SBF1: variants seen among roughly 807,000 people sequenced by gnomAD.
SBF1 encodes SET binding factor 1, also known as myotubularin-related protein 5.
SBF1 carries 65 observed loss-of-function variants against 215.8 expected under a neutral mutation model. That is an observed-to-expected ratio of 0.30 (90% confidence interval 0.25 to 0.37). The LOEUF (loss-of-function observed/expected upper bound fraction) is 0.37. Ranked by LOEUF, SBF1 falls within the 10% of genes least tolerant of loss-of-function variation. The probability of loss-of-function intolerance (pLI) is 1.00; values close to 1 mark genes in which losing one functional copy is unlikely to be tolerated. For synonymous variants in SBF1, 1,410 were observed against 1,122.8 expected, an observed-to-expected ratio of 1.26 and a Z score of -5.11; for missense variants, 2,634 against 2,667.8, an observed-to-expected ratio of 0.99 and a Z score of 0.28.
Position 50,465,744 on chromosome 22 carries a change from G to A in SBF1, c.1089+19C>T, listed in dbSNP as rs149841428. Reference sequence around the variant, plus strand: ...CTAAGTGCCTGGGGTCCCCATGCAGGAGCAGCAACGACCCCCACCTGCATC... The same window carrying A: ...CTAAGTGCCTGGGGTCCCCATGCAGAAGCAGCAACGACCCCCACCTGCATC... On this transcript the variant is annotated intron_variant, in intron 10 of 40. Transcript: ENST00000380817. The A allele has an allele frequency of 4.5e-4, 712 of 1,582,860 alleles. 1 individual carries two copies. The African/African-American group carries it at 5.0e-3, about 11-fold the overall frequency.
chr22:50,468,162 A>G (rs928025277), intron 2 of SBF1, among the ~76,000 whole-genome samples: 3 of 152,180 alleles, frequency 2.0e-5, no homozygotes, highest in Admixed American at 6.5e-5. Flanking sequence ...AGTCCCCACC[A>G]TCATGAGTGA....
At chr22:50,447,491 C>CGG in intron 39 of SBF1, 31 bp downstream of exon 39, 1 of 1,609,528 alleles carries the variant, frequency 6.2e-7, no homozygotes, top group Non-Finnish European at 8.5e-7. Context: ...CCCCCTCCCC[C>CGG]GTGAGTCCCC....
rs766159965 is a variant in SBF1, at chr22:50,459,612, G to C, written c.3546C>G (p.Arg1182=). The C allele has an allele frequency of 1.2e-6, 2 of 1,609,700 alleles. No individual in the cohort carries two copies. The highest frequency in any genetic ancestry group is 2.2e-5 in the East Asian group (1 of 44,838). Reference sequence around the variant, plus strand: ...GGTTCTGGCGGTAGCAGCGGGACACGCGCTGCAGGGCGTTGTCCTGGACAC... The same window carrying C: ...GGTTCTGGCGGTAGCAGCGGGACACCCGCTGCAGGGCGTTGTCCTGGACAC... ...PQSVQDNALQ[R]VSRCYRQNRF... Residue 1182 remains arginine, a synonymous_variant, in exon 27 of 41, where the codon CGC becomes CGG. Transcript: ENST00000380817.
At chr22:50,465,500 G>C (rs899581316) in intron 10 of SBF1, among the ~76,000 whole-genome samples, 172 bp from the exon 11 acceptor site, 1 of 152,164 alleles carries the variant, frequency 6.6e-6, no homozygotes, top group African/African-American at 2.4e-5. Flanking sequence ...GTCTGGACAA[G>C]GCACTCCTGG....
At chr22:50,451,293 C>T (rs1483436088) in intron 36 of SBF1, among the ~76,000 whole-genome samples, 2 of 151,882 alleles carry the variant, frequency 1.3e-5, no homozygotes, top group African/African-American at 4.8e-5. Flanking sequence ...TGCAGTGAGC[C>T]ATGACTGTGC....
At chr22:50,465,504 C>T (rs947027900) in intron 10 of SBF1, among the ~76,000 whole-genome samples, 176 bp from the exon 11 acceptor site, 1 of 152,216 alleles carries the variant, frequency 6.6e-6, no homozygotes, top group Non-Finnish European at 1.5e-5. Context: ...GGACAAGGCA[C>T]TCCTGGCTCA....
intron 1 of SBF1, among the ~76,000 whole-genome samples, chr22:50,472,989 G>A (rs777955263): frequency 2.6e-5 from 4 of 152,148 alleles, no homozygotes; most frequent in Non-Finnish European, 5.9e-5. Context: ...GGCACCTTGG[G>A]CTCCAGCCTT....
rs528350225 is a variant in SBF1 at position 50,459,495 on chromosome 22, G to A, written c.3663C>T (p.Phe1221=). ...GLHGKGVVGL[F]KAQNAPSPGQ... ...CTGGAGAAGGTGCGTTCTGGGCCTT[G>A]AAGAGGCCGACGACACCTTTGCCAT... Residue 1221 remains phenylalanine, a synonymous_variant, in exon 27 of 41, where the codon TTC becomes TTT. Transcript: ENST00000380817. 1.4e-4 allele frequency: 232 copies of A among 1,610,180 alleles called. 4 individuals are homozygous for A. The South Asian group carries it at 2.4e-3, about 17-fold the overall frequency.
At position 50,454,948 on chromosome 22, in the gene SBF1, C is replaced by T. The variant is rs1404957481; in HGVS notation, c.4682-4G>A. 2 of 1,614,032 alleles carry T rather than the reference C, an allele frequency of 1.2e-6. No homozygotes were observed. Among genetic ancestry groups the T allele is most frequent in the Non-Finnish European group, 1.7e-6 (2 of 1,180,022 alleles). On this transcript the variant is annotated splice_region_variant and splice_polypyrimidine_tract_variant and intron_variant, in intron 34 of 40. Transcript: ENST00000380817. ...CCCTTCTCCTCATACAGCAGCCCTG[C>T]ACAGAAGCAGCACTGAGCCTGGGCC...
At position 50,461,858 on chromosome 22, in the gene SBF1, T is replaced by C; in HGVS notation, c.2581A>G (p.Met861Val). The C allele has an allele frequency of 6.2e-7, 1 of 1,613,934 alleles. No homozygotes were observed. The highest frequency in any genetic ancestry group is 8.5e-7 in the Non-Finnish European group (1 of 1,180,034). The change falls in exon 21 of 41, where the codon ATG becomes GTG. Residue 861 changes from methionine to valine, a missense_variant. Transcript: ENST00000380817. Reference sequence around the variant, plus strand: ...ACGGCCTCCAGGGTCTCGATGTGCATCTGGACAATGTCTGGGGGAAGACAG... The same window carrying C: ...ACGGCCTCCAGGGTCTCGATGTGCACCTGGACAATGTCTGGGGGAAGACAG... ...LHVMVPDIVQ[M>V]HIETLEAVQR...
At chr22:50,473,195 C>T (rs1434036265) in intron 1 of SBF1, among the ~76,000 whole-genome samples, 1 of 152,156 alleles carries the variant, frequency 6.6e-6, no homozygotes, top group Non-Finnish European at 1.5e-5. Context: ...CAACCCAAAC[C>T]CTCTCCACAC....
intron 36 of SBF1, among the ~76,000 whole-genome samples, chr22:50,449,625 AAC>A (rs59541336): frequency 0.032 from 4,709 of 146,918 alleles, 261 homozygotes; most frequent in African/African-American, 0.11. Flanking sequence ...AAAACACACA[AAC>A]ACACACACAC....
At chr22:50,456,814 G>A (rs2067272072) in intron 29 of SBF1, 141 bp from the exon 30 acceptor site, 2 of 786,424 alleles carry the variant, frequency 2.5e-6, no homozygotes, top group Admixed American at 3.3e-5. Context: ...CCGTGCGAGA[G>A]GAGGGCTGGA....
chr22:50,455,074 A>C lies in SBF1; in HGVS notation c.4623T>G (p.His1541Gln), dbSNP rs755292355. The part of the protein sequence containing the change: ...QFYLKFLGYH[H>Q]VSRRFRTFLL... ...GGAAGGTCCGGAAACGGCGGGACAC[A>C]TGGTGGTAGCCGAGGAACTTGAGGT... Residue 1541 changes from histidine (H) to glutamine (Q), a missense_variant, in exon 34 of 41, where the codon CAT (histidine) becomes CAG (glutamine). Physicochemically the swap from His to Gln is conservative, Grantham distance 24. Transcript: ENST00000380817. 5.6e-6 allele frequency: 9 copies of C among 1,613,970 alleles called. No individual in the cohort carries two copies. The highest frequency in any genetic ancestry group is 5.0e-5 in the Admixed American group (3 of 60,000).
At position 50,447,028 on chromosome 22, in the gene SBF1, TCGGGGCCTCAATACTGTCGAGGGC is replaced by T. The variant is rs2148548142; in HGVS notation, c.*90_*113del. On this transcript the variant is annotated 3_prime_UTR_variant, in exon 41 of 41. Transcript: ENST00000380817. ...GGCTGTACACACAAGTGCTGGGGGC[TCGGGGCCTCAATACTGTCGAGGGC>T]CGGGGCTGTAAACATGGCCGGGGCG... is the stretch of plus-strand genomic sequence containing the variant. 1 of 923,408 alleles carries T rather than the reference TCGGGGCCTCAATACTGTCGAGGGC, an allele frequency of 1.1e-6. No homozygotes were observed. Among genetic ancestry groups the T allele is most frequent in the East Asian group, 2.6e-5 (1 of 37,816 alleles). The allele number at this position is 923,408 out of a possible 1,614,324, so 57.2% of individuals were successfully genotyped here.
chr22:50,458,745 G>C (rs900615561), intron 28 of SBF1, among the ~76,000 whole-genome samples: 1 of 152,200 alleles, frequency 6.6e-6, no homozygotes, highest in African/African-American at 2.4e-5. Context: ...AGCAAGGCCA[G>C]CTCGGGCAAG....
In SBF1 at chr22:50,463,377, G is replaced by C; in HGVS notation, c.1805C>G (p.Ala602Gly). Residue 602 changes from alanine to glycine, a missense_variant, in exon 16 of 41, where the codon GCC (alanine) becomes GGC (glycine). Coordinates refer to ENST00000380817, the MANE Select transcript of SBF1 (RefSeq NM_002972.4). ...CTGCACATGCAGGTGCAGCTCCTGG[G>C]CGAGGCAGCGGCGGGCAGCTCGCCC... ...LKGRAARRCL[A>G]QELHLHVQQN... 6.2e-7 allele frequency: 1 copy of C among 1,604,348 alleles called. No homozygotes were observed. The highest frequency in any genetic ancestry group is 1.1e-5 in the South Asian group (1 of 89,792).
chr22:50,447,443 T>C lies in SBF1; in HGVS notation c.5462A>G (p.Tyr1821Cys). 2 of 1,612,972 alleles carry C rather than the reference T, an allele frequency of 1.2e-6. No individual in the cohort carries two copies. The highest frequency in any genetic ancestry group is 8.5e-7 in the Non-Finnish European group (1 of 1,179,802). ...LDKTKHQLRY[Y>C]DHRVDTECKG... ...GCACTCTGTGTCCACACGGTGGTCG[T>C]AGTAGCGCAGCTGGAGGAGGCCACA... The change falls in exon 40 of 41, where the codon TAC becomes TGC. Residue 1821 changes from tyrosine (Y) to cysteine (C), a missense_variant. Tyr to Cys is a radical substitution (Grantham distance 194). Coordinates refer to ENST00000380817, the MANE Select transcript of SBF1 (RefSeq NM_002972.4).
chr22:50,468,765 C>T (rs1406983270), intron 1 of SBF1, among the ~76,000 whole-genome samples: 2 of 152,080 alleles, frequency 1.3e-5, no homozygotes, highest in East Asian at 3.9e-4. Context: ...GTCAACACTT[C>T]GGGACTGTTC....
Sources: allele counts gnomAD v4.1 joint callset (sites outside exome capture counted in the v4.1 genomes callset), GRCh38; gene constraint gnomAD v4.1.1; transcripts MANE v1.5; gene names NCBI Gene and HGNC (gene_info 2026-07-23, HGNC 2026-07-21).